The following UNC13B variants were observed in gnomAD, a reference collection of about 807,000 sequenced individuals.
UNC13B encodes unc-13 homolog B.
A neutral mutation model predicts 211.0 loss-of-function variants in UNC13B; 144 were observed. The ratio of observed to expected loss-of-function variants is 0.68; its 90% CI spans 0.60 to 0.78. UNC13B has a LOEUF of 0.78. UNC13B is among the 30% of genes least tolerant of loss of function. UNC13B has a pLI of 0.00. For missense variants in UNC13B, 1,777 were observed against 2,002.0 expected, an observed-to-expected ratio of 0.89 and a Z score of 2.14; for synonymous variants, 709 against 725.8, an observed-to-expected ratio of 0.98 and a Z score of 0.37.
intron 11 of UNC13B, chr9:35,352,446 G>A (rs1408831428): frequency 4.1e-6 from 5 of 1,232,004 alleles, no homozygotes; most frequent in Non-Finnish European, 5.1e-6. Flanking sequence ...GAACCAAGCT[G>A]CCCACAGGGT....
At chr9:35,244,660 T>G (rs1399949928) in intron 6 of UNC13B, among the ~76,000 whole-genome samples, 3 of 152,206 alleles carry the variant, frequency 2.0e-5, no homozygotes, top group African/African-American at 7.2e-5. Flanking sequence ...TCTGTCTGTG[T>G]CTTCACAATG....
intron 18 of UNC13B, 101 bp from the exon 19 acceptor site, chr9:35,380,999 C>T (rs2282000): frequency 0.086 from 100,919 of 1,168,088 alleles, 5,771 homozygotes; most frequent in East Asian, 0.29. Flanking sequence ...CCCTTCTTTT[C>T]CTTGGGTTGG....
At chr9:35,166,997 T>C (rs1423482682) in intron 1 of UNC13B, among the ~76,000 whole-genome samples, 1 of 152,228 alleles carries the variant, frequency 6.6e-6, no homozygotes, top group African/African-American at 2.4e-5. Context: ...CGGCTTTGAA[T>C]GTGGCCCAAC....
At chr9:35,385,040 CTG>C (rs1835101807) in intron 22 of UNC13B, 1 of 985,386 alleles carries the variant, frequency 1.0e-6, no homozygotes, top group African/African-American at 1.7e-5. Flanking sequence ...GGACAGCTGA[CTG>C]TATATCTTAT....
chr9:35,382,334 G>C, intron 20 of UNC13B, 23 bp from the exon 21 acceptor site: 1 of 1,604,116 alleles, frequency 6.2e-7, no homozygotes, highest in Non-Finnish European at 8.5e-7. Flanking sequence ...AGTCTTTGAG[G>C]CTGCGGGTGC....
chr9:35,285,184 G>T (rs1005626595), intron 7 of UNC13B, among the ~76,000 whole-genome samples: 1 of 152,076 alleles, frequency 6.6e-6, no homozygotes, highest in African/African-American at 2.4e-5. Flanking sequence ...TTTTCTTCAG[G>T]CTCAGTAGGA....
Position 35,310,790 on chromosome 9 carries a change from C to T in UNC13B, c.9323+9C>T. 1 of 1,611,010 alleles carries T rather than the reference C, an allele frequency of 6.2e-7. No homozygotes were observed. Among genetic ancestry groups the T allele is most frequent in the Non-Finnish European group, 8.5e-7 (1 of 1,178,476 alleles). On this transcript the variant is annotated intron_variant, in intron 10 of 39. Transcript: ENST00000635942. Reference sequence around the variant, plus strand: ...CTAGGTCCCCAGGAGAGGTAGGCAACAGCTGCCTTGAGGAGCTCACATGGC... The same window carrying T: ...CTAGGTCCCCAGGAGAGGTAGGCAATAGCTGCCTTGAGGAGCTCACATGGC...
chr9:35,342,601 G>A (rs1306834284), intron 11 of UNC13B, among the ~76,000 whole-genome samples: 1 of 152,080 alleles, frequency 6.6e-6, no homozygotes, highest in African/African-American at 2.4e-5. Flanking sequence ...AGATAACCCA[G>A]CCACCCTCTG....
Position 35,382,400 on chromosome 9 carries a change from C to T in UNC13B, c.10699C>T (p.Pro3567Ser), listed in dbSNP as rs933732940. 1.2e-6 allele frequency: 2 copies of T among 1,613,942 alleles called. No individual in the cohort carries two copies. Among genetic ancestry groups the T allele is most frequent in the Admixed American group, 1.7e-5 (1 of 59,984 alleles). The change falls in exon 21 of 40, where the codon CCA (proline) becomes TCA (serine). Residue 3567 changes from proline (P) to serine (S), a missense_variant. By Grantham distance (74) the Pro-to-Ser change is moderately conservative (BLOSUM62 -1). Transcript: ENST00000635942. ...LSSKYMCPGV[P>S]AVMSTLLANI... ...ATCCAAGTACATGTGTCCTGGTGTG[C>T]CAGCAGTGATGAGCACCTTACTGGC...
intron 1 of UNC13B, among the ~76,000 whole-genome samples, chr9:35,201,592 T>A (rs1371216496): frequency 1.3e-5 from 2 of 152,108 alleles, no homozygotes; most frequent in African/African-American, 4.8e-5. Flanking sequence ...GAATTTATCC[T>A]TTTCCTCTAG....
At chr9:35,235,205 T>C (rs925473143) in intron 3 of UNC13B, among the ~76,000 whole-genome samples, 4 of 152,176 alleles carry the variant, frequency 2.6e-5, no homozygotes, top group African/African-American at 9.7e-5. Context: ...TCTTTTCGAA[T>C]TTTTTCCCCT....
At chr9:35,248,711 G>T (rs1193111992) in intron 6 of UNC13B, among the ~76,000 whole-genome samples, 2 of 152,166 alleles carry the variant, frequency 1.3e-5, no homozygotes, top group Non-Finnish European at 2.9e-5. Context: ...TTGCACTGTG[G>T]TCTGAGAGAC....
intron 1 of UNC13B, among the ~76,000 whole-genome samples, chr9:35,175,925 C>T (rs1266873494): frequency 6.7e-6 from 1 of 150,224 alleles, no homozygotes. Flanking sequence ...ATTTGGGAGG[C>T]CAAGGCAGGA....
intron 11 of UNC13B, among the ~76,000 whole-genome samples, chr9:35,347,513 C>G (rs1292235653): frequency 2.0e-5 from 3 of 152,188 alleles, no homozygotes; most frequent in Admixed American, 6.5e-5. Flanking sequence ...GAGCTCAGCA[C>G]AGTGACTGGT....
At chr9:35,198,688 G>T (rs970411700) in intron 1 of UNC13B, among the ~76,000 whole-genome samples, 31 of 152,238 alleles carry the variant, frequency 2.0e-4, no homozygotes, top group African/African-American at 7.2e-4. Context: ...TTAGAGACTT[G>T]TTAAATTGTT....
At chr9:35,172,901 A>T (rs866219622) in intron 1 of UNC13B, among the ~76,000 whole-genome samples, 86 of 152,276 alleles carry the variant, frequency 5.6e-4, no homozygotes, top group Middle Eastern at 3.4e-3. Flanking sequence ...TCATTAGGAA[A>T]TATAGGTTTC....
At chr9:35,194,301 C>T (rs756820516) in intron 1 of UNC13B, among the ~76,000 whole-genome samples, 4 of 152,144 alleles carry the variant, frequency 2.6e-5, no homozygotes, top group African/African-American at 9.7e-5. Flanking sequence ...ATATGACAGT[C>T]GCAGACAGGA....
chr9:35,203,922 G>T (rs189093394), intron 1 of UNC13B, among the ~76,000 whole-genome samples: 211 of 152,370 alleles, frequency 1.4e-3, no homozygotes, highest in Middle Eastern at 3.4e-3. Context: ...ACGAGGAAAA[G>T]ACCTTGAAGG....
chr9:35,358,249 C>A (rs976610467), intron 11 of UNC13B, among the ~76,000 whole-genome samples: 2 of 152,044 alleles, frequency 1.3e-5, no homozygotes, highest in Non-Finnish European at 1.5e-5. Flanking sequence ...CTATTGTGAA[C>A]AATGCTGCTA....
Sources: gnomAD v4.1 joint callset for allele counts (sites outside exome capture counted in the v4.1 genomes callset) on GRCh38, gnomAD v4.1.1 for gene constraint, MANE v1.5 for transcripts, NCBI Gene and HGNC (gene_info 2026-07-23, HGNC 2026-07-21) for gene names.